TRPS1: variants seen among roughly 807,000 people sequenced by gnomAD.
TRPS1 encodes transcriptional repressor GATA binding 1.
Under a neutral mutation model 101.2 loss-of-function variants are expected in TRPS1, and 6 were observed. The ratio of observed to expected loss-of-function variants is 0.06; its 90% CI spans 0.03 to 0.12. TRPS1 has a LOEUF of 0.12. TRPS1 is among the 10% of genes least tolerant of loss of function. The pLI is 1.00. For missense variants in TRPS1, 1,363 were observed against 1,567.0 expected (o/e 0.87, Z 2.20); for synonymous variants, 578 against 589.8 (o/e 0.98, Z 0.29).
chr8:115,535,738 CAT>C (rs1272145868), intron 5 of TRPS1, among the ~76,000 whole-genome samples: 1 of 150,298 alleles, frequency 6.7e-6, no homozygotes, highest in African/African-American at 2.4e-5. Context: ...TAAGTTTTTT[CAT>C]ATATATATAC....
At chr8:115,622,594 G>A (rs1818419653) in intron 2 of TRPS1, among the ~76,000 whole-genome samples, 1 of 151,952 alleles carries the variant, frequency 6.6e-6, no homozygotes, top group African/African-American at 2.4e-5. Flanking sequence ...TACACATAAT[G>A]TCTTCACTAA....
intron 5 of TRPS1, among the ~76,000 whole-genome samples, chr8:115,494,602 C>T (rs924257743): frequency 6.6e-6 from 1 of 152,116 alleles, no homozygotes; most frequent in African/African-American, 2.4e-5. Context: ...TTATTGGATG[C>T]GCTCCAGCAA....
rs994990631 is a variant in TRPS1 at position 115,599,496 on chromosome 8, C to T, written c.2096+4377G>A. Among the ~76,000 whole-genome samples the T allele has an allele frequency of 5.3e-5, 8 of 152,152 alleles. No homozygotes were observed. In the East Asian group the frequency reaches 9.7e-4, roughly 18 times the overall value. ...CTAATGCTCTCCCTCCCCTTGCCCC[C>T]GACTCTCCAACAAGCCCAGTGTGTG... On this transcript the variant is annotated intron_variant, in intron 4 of 6. Coordinates refer to ENST00000395715, the MANE Select transcript of TRPS1 (RefSeq NM_014112.5).
chr8:115,491,168 A>G (rs1815012008), intron 5 of TRPS1, among the ~76,000 whole-genome samples: 1 of 152,166 alleles, frequency 6.6e-6, no homozygotes, highest in African/African-American at 2.4e-5. Flanking sequence ...GACGATTCCA[A>G]TTTCCCTCTT....
intron 1 of TRPS1, among the ~76,000 whole-genome samples, chr8:115,645,224 C>T (rs1010949626): frequency 1.1e-4 from 17 of 152,094 alleles, no homozygotes; most frequent in South Asian, 8.3e-4. Context: ...CATATATATA[C>T]ACACGCACAC....
rs58020847 is a variant in TRPS1, at chr8:115,458,822, A to G, written c.2701-40370T>C. Among the ~76,000 whole-genome samples the G allele has an allele frequency of 4.4e-3, 675 of 152,322 alleles. 9 individuals are homozygous for G. The highest frequency in any genetic ancestry group is 0.016 in the African/African-American group (645 of 41,564). On this transcript the variant is annotated intron_variant, in intron 5 of 6. Coordinates refer to ENST00000395715, the MANE Select transcript of TRPS1 (RefSeq NM_014112.5). ...TGTTCTTCTGTGTCTTTCTGCTTCA[A>G]TAGGAAAACAAAACTGAAAATATTT...
intron 4 of TRPS1, among the ~76,000 whole-genome samples, chr8:115,591,452 T>C (rs1053617049): frequency 1.3e-5 from 2 of 152,162 alleles, no homozygotes; most frequent in African/African-American, 4.8e-5. Context: ...ATATACAAGG[T>C]CCTAGGTCCC....
chr8:115,529,991 G>C (rs1420020194), intron 5 of TRPS1, among the ~76,000 whole-genome samples: 2 of 152,058 alleles, frequency 1.3e-5, no homozygotes, highest in Non-Finnish European at 1.5e-5. Context: ...CAGAAAGAAA[G>C]GGGTAAAGAC....
intron 3 of TRPS1, among the ~76,000 whole-genome samples, chr8:115,609,334 G>T (rs79028712): frequency 0.019 from 2,842 of 152,250 alleles, 60 homozygotes; most frequent in Non-Finnish European, 0.029. Context: ...TCACACACTT[G>T]TCACTATCAA....
At chr8:115,457,712 G>A (rs1814064429) in intron 5 of TRPS1, among the ~76,000 whole-genome samples, 1 of 152,090 alleles carries the variant, frequency 6.6e-6, no homozygotes. Context: ...AATCCTAAAC[G>A]ACCACTAACG....
chr8:115,625,213 C>G (rs186457909), intron 1 of TRPS1, among the ~76,000 whole-genome samples: 56 of 151,900 alleles, frequency 3.7e-4, no homozygotes, highest in Non-Finnish European at 6.3e-4. Flanking sequence ...AGTAAAGAAT[C>G]AAAACATGAG....
chr8:115,644,551 C>A (rs1264215492), intron 1 of TRPS1, among the ~76,000 whole-genome samples: 3 of 152,210 alleles, frequency 2.0e-5, no homozygotes, highest in Non-Finnish European at 4.4e-5. Context: ...CTAAAACTTT[C>A]TCCATATCAG....
At chr8:115,456,486 T>C (rs561795070) in intron 5 of TRPS1, among the ~76,000 whole-genome samples, 2 of 152,306 alleles carry the variant, frequency 1.3e-5, no homozygotes, top group East Asian at 3.9e-4. Flanking sequence ...CTTCTATATA[T>C]AATATCGATT....
At chr8:115,456,885 T>C (rs1304619432) in intron 5 of TRPS1, among the ~76,000 whole-genome samples, 17 of 152,038 alleles carry the variant, frequency 1.1e-4, no homozygotes, top group Non-Finnish European at 2.4e-4. Context: ...ATAAAATATA[T>C]AGAAATATAT....
intron 5 of TRPS1, among the ~76,000 whole-genome samples, chr8:115,437,648 C>A (rs1018499918): frequency 2.6e-5 from 4 of 152,092 alleles, no homozygotes; most frequent in Admixed American, 2.0e-4. Context: ...AATGTCTACA[C>A]GAACAAGAAG....
intron 5 of TRPS1, among the ~76,000 whole-genome samples, chr8:115,467,969 C>T (rs1418552965): frequency 6.6e-6 from 1 of 152,176 alleles, no homozygotes; most frequent in Non-Finnish European, 1.5e-5. Flanking sequence ...CTGAGGCAGC[C>T]TCCTCCACAG....
At chr8:115,637,370 G>A in intron 1 of TRPS1, 1 of 898,376 alleles carries the variant, frequency 1.1e-6, no homozygotes, top group Non-Finnish European at 1.3e-6. Context: ...TAGATGTGGT[G>A]TGACATGTAG....
intron 5 of TRPS1, among the ~76,000 whole-genome samples, chr8:115,491,161 G>A (rs559730586): frequency 9.9e-5 from 15 of 152,252 alleles, no homozygotes; most frequent in South Asian, 8.3e-4. Flanking sequence ...TGTTAAAGAC[G>A]ATTCCAATTT....
intron 5 of TRPS1, among the ~76,000 whole-genome samples, chr8:115,442,417 T>C (rs1813621107): frequency 6.6e-6 from 1 of 151,774 alleles, no homozygotes; most frequent in Non-Finnish European, 1.5e-5. Flanking sequence ...TGATACTACT[T>C]TGGAAAATTC....
Sources: allele counts gnomAD v4.1 joint callset (sites outside exome capture counted in the v4.1 genomes callset), GRCh38; gene constraint gnomAD v4.1.1; transcripts MANE v1.5; gene names NCBI Gene and HGNC (gene_info 2026-07-23, HGNC 2026-07-21).